The following CFAP91 variants were observed in gnomAD, a reference collection of about 807,000 sequenced individuals.
The protein encoded by CFAP91 is cilia- and flagella-associated protein 91.
CFAP91 carries 85 observed loss-of-function variants against 95.9 expected under a neutral mutation model. The observed-to-expected ratio is 0.89, with a 90% CI of 0.74 to 1.06. The LOEUF (loss-of-function observed/expected upper bound fraction) is 1.06, where lower values mean the gene tolerates loss of function less well. Ranked by LOEUF, CFAP91 falls within the 50% of genes least tolerant of loss-of-function variation. The probability of loss-of-function intolerance (pLI) is 0.00; values close to 1 mark genes in which losing one functional copy is unlikely to be tolerated. For synonymous variants in CFAP91, 335 were observed against 327.5 expected (o/e 1.02, Z -0.25); for missense variants, 962 against 943.4 (o/e 1.02, Z -0.26).
At chr3:119,725,280 C>T (rs954431829) in intron 6 of CFAP91, among the ~76,000 whole-genome samples, 6 of 152,272 alleles carry the variant, frequency 3.9e-5, no homozygotes, top group African/African-American at 7.2e-5. Context: ...GCCAGTGTCT[C>T]GGAGCTGGTC....
At chr3:119,720,362 A>G (rs2053659705) in intron 6 of CFAP91, among the ~76,000 whole-genome samples, 1 of 148,990 alleles carries the variant, frequency 6.7e-6, no homozygotes, top group Non-Finnish European at 1.5e-5. Flanking sequence ...ATGCCACTGC[A>G]CTCCAGCCTG....
chr3:119,711,018 C>A (rs1446681767), intron 5 of CFAP91, among the ~76,000 whole-genome samples: 2 of 152,126 alleles, frequency 1.3e-5, no homozygotes, highest in Non-Finnish European at 2.9e-5. Context: ...GGAATAGAAA[C>A]CTTTTTTAAG....
In CFAP91 at chr3:119,732,458, T is replaced by C; in HGVS notation, c.1183T>C (p.Tyr395His). ...AGAGGACTTTGTAGTAAAAAACTAC[T>C]ATCTCAACACCTATGAAGGTAAGCA... is the stretch of plus-strand genomic sequence containing the variant. ...NSEDFVVKNY[Y>H]LNTYEGLVEL... Residue 395 changes from tyrosine to histidine, a missense_variant, in exon 9 of 18, where the codon TAT becomes CAT. Coordinates refer to ENST00000273390, the MANE Select transcript of CFAP91 (RefSeq NM_033364.4). 6.2e-7 allele frequency: 1 copy of C among 1,605,462 alleles called. No individual in the cohort carries two copies. The highest frequency in any genetic ancestry group is 8.5e-7 in the Non-Finnish European group (1 of 1,176,782).
At chr3:119,751,632 G>A (rs1377019359) in intron 17 of CFAP91, among the ~76,000 whole-genome samples, 1 of 152,200 alleles carries the variant, frequency 6.6e-6, no homozygotes, top group Non-Finnish European at 1.5e-5. Context: ...ACAGGAAACA[G>A]CTTCCAGCAA....
At chr3:119,754,835 A>C (rs2054394201) in intron 17 of CFAP91, among the ~76,000 whole-genome samples, 1 of 152,200 alleles carries the variant, frequency 6.6e-6, no homozygotes, top group Admixed American at 6.5e-5. Flanking sequence ...GGGATGGGGC[A>C]TTGTAGAGTC....
Position 119,730,388 on chromosome 3 carries a change from A to G in CFAP91, c.1018+11A>G, listed in dbSNP as rs2053872586. 16 of 1,609,770 alleles carry G rather than the reference A, an allele frequency of 9.9e-6. No individual in the cohort carries two copies. Among genetic ancestry groups the G allele is most frequent in the Non-Finnish European group, 1.3e-5 (15 of 1,178,366 alleles). ...GCACGCATGTATCAAGTAATGGTGT[A>G]GTATGAACAATGAAGACGGTGGAAA... On this transcript the variant is annotated intron_variant, in intron 8 of 17. Coordinates refer to ENST00000273390, the MANE Select transcript of CFAP91 (RefSeq NM_033364.4).
intron 17 of CFAP91, among the ~76,000 whole-genome samples, chr3:119,764,216 C>T (rs1204465746): frequency 3.9e-5 from 6 of 152,050 alleles, no homozygotes; most frequent in Admixed American, 1.3e-4. Context: ...GTCTACATAT[C>T]AACTTTTCCC....
intron 17 of CFAP91, among the ~76,000 whole-genome samples, chr3:119,756,602 A>G (rs1442311091): frequency 6.6e-6 from 1 of 152,222 alleles, no homozygotes; most frequent in Admixed American, 6.5e-5. Context: ...AGAGTAATAT[A>G]TAAGTCAGAA....
chr3:119,741,204 T>C (rs2054115287), intron 13 of CFAP91, among the ~76,000 whole-genome samples: 1 of 152,234 alleles, frequency 6.6e-6, no homozygotes, highest in Admixed American at 6.5e-5. Context: ...ATTTTTTCTT[T>C]ATTTGCAAAA....
intron 6 of CFAP91, chr3:119,716,056 G>A (rs2053568812): frequency 9.6e-6 from 5 of 521,202 alleles, no homozygotes; most frequent in Admixed American, 3.6e-5. Context: ...TTTTCATTGA[G>A]CAATCATACT....
In CFAP91 at chr3:119,715,570, C is replaced by T. The variant is rs2053558293; in HGVS notation, c.509C>T (p.Pro170Leu). ...TGATTTTTCTCTTTTAGGGCAGAAC[C>T]ATACACTTTTCCTCCTACTTCTACT... ...NVVYAVSKAE[P>L]YTFPPTSTKH... The change falls in exon 6 of 18, where the codon CCA becomes CTA. Residue 170 changes from proline to leucine, a missense_variant. Transcript: ENST00000273390. The T allele has an allele frequency of 6.2e-7, 1 of 1,613,870 alleles. No individual in the cohort carries two copies. Among genetic ancestry groups the T allele is most frequent in the Non-Finnish European group, 8.5e-7 (1 of 1,179,836 alleles).
intron 11 of CFAP91, among the ~76,000 whole-genome samples, 166 bp from the exon 12 acceptor site, chr3:119,739,089 T>C (rs1208082236): frequency 6.6e-6 from 1 of 152,222 alleles, no homozygotes; most frequent in Non-Finnish European, 1.5e-5. Flanking sequence ...TAAGTAACAT[T>C]AAAATACTAT....
intron 17 of CFAP91, among the ~76,000 whole-genome samples, chr3:119,762,496 A>G (rs1047081783): frequency 6.6e-6 from 1 of 152,090 alleles, no homozygotes; most frequent in Non-Finnish European, 1.5e-5. Flanking sequence ...CCTAAAATTC[A>G]TATGGAACCA....
chr3:119,737,609 G>A, intron 11 of CFAP91, 127 bp downstream of exon 11: 1 of 542,584 alleles, frequency 1.8e-6, no homozygotes, highest in East Asian at 3.1e-5. Context: ...CTTAAATATT[G>A]TCTTTATTCT....
chr3:119,756,826 A>G (rs1435093060), intron 17 of CFAP91, among the ~76,000 whole-genome samples: 1 of 152,224 alleles, frequency 6.6e-6, no homozygotes, highest in East Asian at 1.9e-4. Flanking sequence ...CAATACAAAA[A>G]GTGGATAGAA....
In CFAP91 at chr3:119,765,338, G is replaced by A. The variant is rs1013680716; in HGVS notation, c.*288G>A. The A allele has an allele frequency of 3.3e-5, 5 of 152,120 alleles. No homozygotes were observed. The highest frequency in any genetic ancestry group is 1.2e-4 in the African/African-American group (5 of 41,424). 9.4% of individuals were successfully genotyped at this position (152,120 alleles called of 1,614,324 possible). A position where few individuals can be genotyped will look rare whatever the true frequency, so the allele number is the denominator to read the frequency against. On this transcript the variant is annotated 3_prime_UTR_variant, in exon 18 of 18. Coordinates refer to ENST00000273390, the MANE Select transcript of CFAP91 (RefSeq NM_033364.4). ...AACTATGAGGATGTGCTGGTTTGTT[G>A]AATCAAACAAAAGGAAATGTTGTGG...
chr3:119,738,349 T>G (rs2054051807), intron 11 of CFAP91, among the ~76,000 whole-genome samples: 2 of 105,326 alleles, frequency 1.9e-5, no homozygotes, highest in African/African-American at 6.9e-5. Context: ...TTTTTTTTTT[T>G]TTTTTTTTTT....
chr3:119,754,964 G>A (rs901764248), intron 17 of CFAP91, among the ~76,000 whole-genome samples: 17 of 152,190 alleles, frequency 1.1e-4, no homozygotes, highest in African/African-American at 1.9e-4. Flanking sequence ...TTGCCAGGTC[G>A]TGGACTTGCT....
In CFAP91 at chr3:119,708,690, T is replaced by C; in HGVS notation, c.443+16T>C. 2 of 1,398,804 alleles carry C rather than the reference T, an allele frequency of 1.4e-6. No individual in the cohort carries two copies. Among genetic ancestry groups the C allele is most frequent in the Non-Finnish European group, 2.0e-6 (2 of 1,000,758 alleles). The allele number at this position is 1,398,804 out of a possible 1,614,324, so 86.6% of individuals were successfully genotyped here. ...ACTTTGAAAGGTAGAACATAATTAC[T>C]AATGAATATTTGAGCCCTAATATTA... On this transcript the variant is annotated intron_variant, in intron 4 of 17. Coordinates refer to ENST00000273390, the MANE Select transcript of CFAP91 (RefSeq NM_033364.4).
Sources: gnomAD v4.1 joint callset for allele counts (sites outside exome capture counted in the v4.1 genomes callset) on GRCh38, gnomAD v4.1.1 for gene constraint, MANE v1.5 for transcripts, NCBI Gene and HGNC (gene_info 2026-07-23, HGNC 2026-07-21) for gene names.